Variants in CTDSPL2 observed in about 807,000 individuals in gnomAD.
CTDSPL2 encodes the protein CTD small phosphatase like 2.
CTDSPL2 carries 5 observed loss-of-function variants against 60.0 expected under a neutral mutation model. That is an observed-to-expected ratio of 0.08 (90% CI 0.04 to 0.18). The LOEUF is 0.18. Ranked by LOEUF, CTDSPL2 falls within the 10% of genes least tolerant of loss-of-function variation. CTDSPL2 has a pLI of 1.00. For missense variants in CTDSPL2, 370 were observed against 548.8 expected (o/e 0.67, Z 3.26); for synonymous variants, 186 against 189.3 (o/e 0.98, Z 0.14).
Position 44,496,385 on chromosome 15 carries a change from G to T in CTDSPL2, c.697G>T (p.Val233Leu). 1 of 1,611,378 alleles carries T rather than the reference G, an allele frequency of 6.2e-7. No individual in the cohort carries two copies. Among genetic ancestry groups the T allele is most frequent in the Non-Finnish European group, 8.5e-7 (1 of 1,177,872 alleles). ...NRDIPPLTAP[V>L]TPDSGYSSAH... is the part of the protein sequence containing the mutation. ...TCTTTCACTATGTTAAATAGCACCA[G>T]TAACTCCAGATAGTGGTTATTCATC... Residue 233 changes from valine (V) to leucine (L), a missense_variant, in exon 6 of 13, where the codon GTA (valine) becomes TTA (leucine). Val to Leu is a conservative substitution (Grantham distance 32, BLOSUM62 1). Transcript: ENST00000260327.
intron 8 of CTDSPL2, among the ~76,000 whole-genome samples, chr15:44,506,797 C>G (rs1022036215): frequency 5.9e-5 from 9 of 151,760 alleles, no homozygotes; most frequent in African/African-American, 2.2e-4. Context: ...GACAGAGTCT[C>G]GCTCTGTCGC....
At chr15:44,507,954 G>C (rs952905726) in intron 8 of CTDSPL2, among the ~76,000 whole-genome samples, 1 of 152,116 alleles carries the variant, frequency 6.6e-6, no homozygotes, top group Non-Finnish European at 1.5e-5. Flanking sequence ...GTTATATCCT[G>C]TATTTTATAG....
chr15:44,438,188 C>T (rs1303262603), intron 1 of CTDSPL2, among the ~76,000 whole-genome samples: 6 of 150,874 alleles, frequency 4.0e-5, no homozygotes, highest in East Asian at 2.0e-4. Flanking sequence ...GGCGTGAACC[C>T]GGGAGGTGGA....
intron 2 of CTDSPL2, among the ~76,000 whole-genome samples, chr15:44,473,810 G>C (rs571216807): frequency 3.3e-5 from 5 of 152,294 alleles, no homozygotes; most frequent in African/African-American, 1.2e-4. Context: ...ATTTCAAGCA[G>C]TTTCCCTTGC....
intron 1 of CTDSPL2, among the ~76,000 whole-genome samples, chr15:44,453,534 T>C (rs117861834): frequency 0.01 from 1,580 of 152,120 alleles, 16 homozygotes; most frequent in Non-Finnish European, 0.018. Context: ...ATTAACTCGT[T>C]ATTTACACTA....
chr15:44,435,036 C>T (rs1041667443), intron 1 of CTDSPL2, among the ~76,000 whole-genome samples: 4 of 151,870 alleles, frequency 2.6e-5, no homozygotes, highest in African/African-American at 9.7e-5. Flanking sequence ...CCAAGGCAGG[C>T]GGATTACAAG....
rs115144395 is a variant in CTDSPL2 at position 44,500,739 on chromosome 15, C to T, written c.969+926C>T. Reference sequence around the variant, plus strand: ...ATAATAGTTGATGTCTCACAGAAACCGTGAAATTTAAGAGTTAAATAGAAG... The same window carrying T: ...ATAATAGTTGATGTCTCACAGAAACTGTGAAATTTAAGAGTTAAATAGAAG... On this transcript the variant is annotated intron_variant, in intron 8 of 12. Coordinates refer to ENST00000260327, the MANE Select transcript of CTDSPL2 (RefSeq NM_016396.3). Among the ~76,000 whole-genome samples the T allele has an allele frequency of 3.0e-3, 464 of 152,134 alleles. 1 individual carries two copies. The highest frequency in any genetic ancestry group is 0.011 in the African/African-American group (454 of 41,526).
intron 1 of CTDSPL2, chr15:44,448,124 G>T: frequency 3.9e-6 from 1 of 253,382 alleles, no homozygotes; most frequent in South Asian, 4.2e-5. Context: ...ATACCTGCAG[G>T]AACCATGCAC....
rs957036935 is a variant in CTDSPL2, at chr15:44,524,273, G to C, written c.*99G>C. 8.9e-6 allele frequency: 8 copies of C among 901,168 alleles called. No individual in the cohort carries two copies. Among genetic ancestry groups the C allele is most frequent in the Non-Finnish European group, 1.5e-5 (8 of 551,446 alleles). The allele number at this position is 901,168 out of a possible 1,614,324, so 55.8% of individuals were successfully genotyped here. On this transcript the variant is annotated 3_prime_UTR_variant, in exon 13 of 13. Coordinates refer to ENST00000260327, the MANE Select transcript of CTDSPL2 (RefSeq NM_016396.3). ...ATTACTGTTGAAATTTTGCATTTTT[G>C]TACCCCGTCTTGCTTTTCTTATCTT...
chr15:44,440,987 G>A (rs1003111487), intron 1 of CTDSPL2, among the ~76,000 whole-genome samples: 2 of 152,126 alleles, frequency 1.3e-5, no homozygotes, highest in African/African-American at 4.8e-5. Context: ...AGGTGTTTCT[G>A]AATTTTCCTG....
intron 1 of CTDSPL2, chr15:44,428,197 C>T (rs190009697): frequency 6.6e-6 from 1 of 152,424 alleles, no homozygotes; most frequent in African/African-American, 2.4e-5. Context: ...GGGCGTTGCT[C>T]TTATCTCAGT....
intron 1 of CTDSPL2, among the ~76,000 whole-genome samples, chr15:44,437,999 T>TCAC (rs2080009977): frequency 6.6e-6 from 1 of 152,174 alleles, no homozygotes; most frequent in South Asian, 2.1e-4. Flanking sequence ...GTGCAGTGGC[T>TCAC]CACGCCTGTA....
At chr15:44,486,956 G>A (rs902816646) in intron 4 of CTDSPL2, among the ~76,000 whole-genome samples, 1 of 151,822 alleles carries the variant, frequency 6.6e-6, no homozygotes, top group African/African-American at 2.4e-5. Flanking sequence ...TGGTTGAGAC[G>A]GGGTTTCACC....
intron 1 of CTDSPL2, among the ~76,000 whole-genome samples, chr15:44,441,731 A>C (rs1026316320): frequency 6.6e-6 from 1 of 151,806 alleles, no homozygotes; most frequent in Non-Finnish European, 1.5e-5. Context: ...AAAAGGTTCA[A>C]TTTTGTAGTT....
chr15:44,443,357 T>C (rs1156470596), intron 1 of CTDSPL2, among the ~76,000 whole-genome samples: 1 of 152,214 alleles, frequency 6.6e-6, no homozygotes, highest in Non-Finnish European at 1.5e-5. Flanking sequence ...TGAAAAATGC[T>C]GCTATGAATA....
In CTDSPL2 at chr15:44,471,125, C is replaced by T. The variant is rs576250376; in HGVS notation, c.186+11925C>T. Among the ~76,000 whole-genome samples, 6 of 152,272 alleles carry T rather than the reference C, an allele frequency of 3.9e-5. No homozygotes were observed. The South Asian group carries it at 1.2e-3, about 32-fold the overall frequency. ...ATCAGTTTATCTTGCTTCCTTCACACACACAACATACATTTTTTGGTTTCT... is the reference window on the plus strand; with the variant it reads ...ATCAGTTTATCTTGCTTCCTTCACATACACAACATACATTTTTTGGTTTCT... On this transcript the variant is annotated intron_variant, in intron 2 of 12. Coordinates refer to ENST00000260327, the MANE Select transcript of CTDSPL2 (RefSeq NM_016396.3).
intron 4 of CTDSPL2, among the ~76,000 whole-genome samples, chr15:44,489,618 T>C (rs1567089522): frequency 1.3e-5 from 2 of 152,184 alleles, no homozygotes. Flanking sequence ...TAGAGCAGTA[T>C]GAGTGAAGGT....
intron 3 of CTDSPL2, 116 bp downstream of exon 3, chr15:44,484,478 T>TA (rs2081084428): frequency 1.0e-6 from 1 of 976,240 alleles, no homozygotes; most frequent in Non-Finnish European, 1.5e-6. Flanking sequence ...CTCATGCCTG[T>TA]AATCCTCACA....
At chr15:44,473,535 T>G (rs1595734127) in intron 2 of CTDSPL2, among the ~76,000 whole-genome samples, 2 of 152,014 alleles carry the variant, frequency 1.3e-5, no homozygotes, top group Non-Finnish European at 2.9e-5. Flanking sequence ...GACCTTGTGA[T>G]CCACCCGCCC....
Sources: allele counts gnomAD v4.1 joint callset (sites outside exome capture counted in the v4.1 genomes callset), GRCh38; gene constraint gnomAD v4.1.1; transcripts MANE v1.5; gene names NCBI Gene and HGNC (gene_info 2026-07-23, HGNC 2026-07-21).